Variants in IL1RAPL2 observed in about 807,000 individuals in gnomAD.
The protein encoded by IL1RAPL2 is interleukin 1 receptor accessory protein like 2.
In IL1RAPL2, 3 loss-of-function variants were observed where a neutral mutation model predicts 44.1. The observed-to-expected ratio is 0.07, with a 90% CI of 0.03 to 0.18. The LOEUF is 0.18. IL1RAPL2 is among the 10% of genes least tolerant of loss of function. The pLI is 1.00. For synonymous variants in IL1RAPL2, 181 were observed against 178.8 expected, an observed-to-expected ratio of 1.01 and a Z score of -0.10; for missense variants, 391 against 496.4, an observed-to-expected ratio of 0.79 and a Z score of 2.02.
At chrX:105,699,465 T>C (rs2038102712) in intron 6 of IL1RAPL2, among the ~76,000 whole-genome samples, 1 of 112,187 alleles carries the variant, frequency 8.9e-6, no homozygotes, top group African/African-American at 3.2e-5. Context: ...AGTGACATTA[T>C]AACAAGGTAT....
intron 5 of IL1RAPL2, among the ~76,000 whole-genome samples, chrX:105,405,272 C>T (rs1337694563): frequency 1.8e-5 from 2 of 111,169 alleles, no homozygotes; most frequent in Non-Finnish European, 3.8e-5. Flanking sequence ...CCTTTATATA[C>T]CTTTAGGTTT....
intron 5 of IL1RAPL2, among the ~76,000 whole-genome samples, chrX:105,429,880 C>T (rs757589737): frequency 3.6e-5 from 4 of 111,575 alleles, no homozygotes; most frequent in Non-Finnish European, 7.6e-5. Context: ...TCTTGTTACA[C>T]ACCTAATACC....
At chrX:105,055,926 AC>A (rs1345182485) in intron 2 of IL1RAPL2, among the ~76,000 whole-genome samples, 2 of 112,127 alleles carry the variant, frequency 1.8e-5, no homozygotes, top group African/African-American at 6.5e-5. Flanking sequence ...AATTAGGTCC[AC>A]TTTTCTTCTT....
chrX:105,494,820 A>T (rs2036345610), intron 6 of IL1RAPL2, among the ~76,000 whole-genome samples: 1 of 111,340 alleles, frequency 9.0e-6, no homozygotes, highest in African/African-American at 3.3e-5. Flanking sequence ...ATGCCTGGTG[A>T]AGTATTTTTT....
rs773308402 is a variant in IL1RAPL2 at position 105,065,750 on chromosome X, T to C, written c.83-129725T>C. On this transcript the variant is annotated intron_variant, in intron 2 of 10. Coordinates refer to ENST00000372582, the MANE Select transcript of IL1RAPL2 (RefSeq NM_017416.2). ...GGGTTCTAACTACACTTTGTTTTAA[T>C]GTAATTGTTGTTTTGCAAGTTCCGC... Among the ~76,000 whole-genome samples, 3 of 112,372 alleles carry C rather than the reference T, an allele frequency of 2.7e-5. No homozygotes were observed. In the South Asian group the frequency reaches 1.1e-3, roughly 42 times the overall value.
chrX:104,950,581 C>A (rs749034174), intron 2 of IL1RAPL2, among the ~76,000 whole-genome samples: 1 of 112,890 alleles, frequency 8.9e-6, no homozygotes, highest in South Asian at 3.6e-4. Context: ...TGGCTGCCGC[C>A]TTGCAGTTTG....
chrX:104,895,185 G>T lies in IL1RAPL2; in HGVS notation c.82+236190G>T, dbSNP rs896330952. 5.0e-4 allele frequency among the ~76,000 whole-genome samples: 56 copies of T among 112,003 alleles called. 1 individual carries two copies. Among genetic ancestry groups the T allele is most frequent in the African/African-American group, 1.8e-3 (56 of 30,846 alleles). On this transcript the variant is annotated intron_variant, in intron 2 of 10. Transcript: ENST00000372582. ...GGGGTACCTGGCCATGGAGGTATCA[G>T]TCTGCCCCTACTGGGGGGTGCCTCC...
chrX:104,848,204 G>T lies in IL1RAPL2; in HGVS notation c.82+189209G>T, dbSNP rs1277061916. Among the ~76,000 whole-genome samples, 4 of 108,964 alleles carry T rather than the reference G, an allele frequency of 3.7e-5. No individual in the cohort carries two copies. In the East Asian group the frequency reaches 1.1e-3, roughly 31 times the overall value. 94.6% of individuals were successfully genotyped at this position (108,964 alleles called of 115,157 possible). Reference sequence around the variant, plus strand: ...CTTTATTTCTTTCTCCTGCCTGATTGCCCTGGCCAGAACTTCCAACGCTAT... The same window carrying T: ...CTTTATTTCTTTCTCCTGCCTGATTTCCCTGGCCAGAACTTCCAACGCTAT... On this transcript the variant is annotated intron_variant, in intron 2 of 10. Coordinates refer to ENST00000372582, the MANE Select transcript of IL1RAPL2 (RefSeq NM_017416.2).
Position 105,145,982 on chromosome X carries a change from G to A in IL1RAPL2, c.83-49493G>A, listed in dbSNP as rs184981128. Among the ~76,000 whole-genome samples, 36 of 111,122 alleles carry A rather than the reference G, an allele frequency of 3.2e-4. No homozygotes were observed. The East Asian group carries it at 9.4e-3, about 29-fold the overall frequency. On this transcript the variant is annotated intron_variant, in intron 2 of 10. Transcript: ENST00000372582. ...ATGAGGCAAGTGCCCTCATAAAAGAGGCCTCAGGGAGCTTCTTTGTCCCTT... is the reference window on the plus strand; with the variant it reads ...ATGAGGCAAGTGCCCTCATAAAAGAAGCCTCAGGGAGCTTCTTTGTCCCTT...
chrX:104,835,862 C>T (rs747555987), intron 2 of IL1RAPL2, among the ~76,000 whole-genome samples: 9 of 111,977 alleles, frequency 8.0e-5, no homozygotes, highest in South Asian at 3.7e-4. Context: ...ACTTTGATCT[C>T]GTCTTCTACA....
intron 2 of IL1RAPL2, among the ~76,000 whole-genome samples, chrX:104,969,248 C>T (rs1421816897): frequency 9.1e-6 from 1 of 110,134 alleles, no homozygotes; most frequent in Non-Finnish European, 1.9e-5. Context: ...TAGTATGAGT[C>T]GACATTGAAG....
chrX:105,010,709 G>T (rs768358602), intron 2 of IL1RAPL2, among the ~76,000 whole-genome samples: 1 of 111,300 alleles, frequency 9.0e-6, no homozygotes, highest in African/African-American at 3.3e-5. Context: ...TTGCTGCACG[G>T]ACTGGGCCTG....
At chrX:105,272,205 C>T (rs1033357410) in intron 5 of IL1RAPL2, among the ~76,000 whole-genome samples, 82 of 107,121 alleles carry the variant, frequency 7.7e-4, no homozygotes, top group Non-Finnish European at 1.3e-3. Flanking sequence ...GTGGGTGCAG[C>T]GCACCAGCAT....
Position 105,513,375 on chromosome X carries a change from A to G in IL1RAPL2, c.772+28988A>G, listed in dbSNP as rs2036486132. Among the ~76,000 whole-genome samples the G allele has an allele frequency of 3.6e-5, 4 of 111,407 alleles. No homozygotes were observed. In the South Asian group the frequency reaches 1.5e-3, roughly 42 times the overall value. ...TTCCACAATGATTGAACTAATTTAC[A>G]CTCCCACCAACAGCATAAAAGCGTT... On this transcript the variant is annotated intron_variant, in intron 6 of 10. Coordinates refer to ENST00000372582, the MANE Select transcript of IL1RAPL2 (RefSeq NM_017416.2).
chrX:105,227,893 T>TTAAATG (rs2034032883), intron 3 of IL1RAPL2, among the ~76,000 whole-genome samples: 1 of 112,292 alleles, frequency 8.9e-6, no homozygotes, highest in Admixed American at 9.5e-5. Flanking sequence ...CCTTACCATT[T>TTAAATG]TAAATGTACA....
chrX:104,696,224 T>G (rs1443065080), intron 2 of IL1RAPL2, among the ~76,000 whole-genome samples: 1 of 112,321 alleles, frequency 8.9e-6, no homozygotes, highest in African/African-American at 3.2e-5. Context: ...TTGGGAAGAC[T>G]GTGAAGAAGC....
rs147499345 is a variant in IL1RAPL2, at chrX:105,164,372, T to G, written c.83-31103T>G. On this transcript the variant is annotated intron_variant, in intron 2 of 10. Coordinates refer to ENST00000372582, the MANE Select transcript of IL1RAPL2 (RefSeq NM_017416.2). ...GCCCAAGACTGTCTGTATTTAAAAC[T>G]GAAAGTCCTGCATTCTGGGTAACCC... Among the ~76,000 whole-genome samples, 646 of 112,047 alleles carry G rather than the reference T, an allele frequency of 5.8e-3. 3 individuals carry two copies. Among genetic ancestry groups the G allele is most frequent in the Middle Eastern group, 0.014 (3 of 216 alleles).
intron 6 of IL1RAPL2, among the ~76,000 whole-genome samples, chrX:105,571,732 C>A (rs867586896): frequency 5.4e-5 from 6 of 110,988 alleles, no homozygotes; most frequent in South Asian, 7.6e-4. Flanking sequence ...TGGAATGTTA[C>A]CTAAAATAAT....
rs773933980 is a variant in IL1RAPL2, at chrX:104,678,762, C to G, written c.82+19767C>G. Among the ~76,000 whole-genome samples the G allele has an allele frequency of 6.3e-5, 7 of 110,890 alleles. No individual in the cohort carries two copies. In the South Asian group the frequency reaches 1.2e-3, roughly 18 times the overall value. On this transcript the variant is annotated intron_variant, in intron 2 of 10. Coordinates refer to ENST00000372582, the MANE Select transcript of IL1RAPL2 (RefSeq NM_017416.2). ...ACTTATGAGTGAGAACACATGGACA[C>G]AAGGAGAACAAGGAGAAAACATGGA... is the stretch of plus-strand genomic sequence containing the variant.
Sources: allele counts gnomAD v4.1 joint callset (sites outside exome capture counted in the v4.1 genomes callset), GRCh38; gene constraint gnomAD v4.1.1; transcripts MANE v1.5; gene names NCBI Gene and HGNC (gene_info 2026-07-23, HGNC 2026-07-21).